CPED1: variants seen among roughly 807,000 people sequenced by gnomAD.
CPED1 encodes the protein cadherin-like and PC-esterase domain-containing protein 1.
Under a neutral mutation model 128.2 loss-of-function variants are expected in CPED1, and 114 were observed. The ratio of observed to expected loss-of-function variants is 0.89; its 90% CI spans 0.76 to 1.04. The LOEUF (loss-of-function observed/expected upper bound fraction) is 1.04, where lower values mean the gene tolerates loss of function less well. Ranked by LOEUF, CPED1 falls within the 50% of genes least tolerant of loss-of-function variation. The pLI is 0.00. For synonymous variants in CPED1, 462 were observed against 426.7 expected (o/e 1.08, Z -1.02); for missense variants, 1,211 against 1,207.1 (o/e 1.00, Z -0.05).
chr7:121,198,569 C>T (rs1797319859), intron 16 of CPED1, among the ~76,000 whole-genome samples: 1 of 152,066 alleles, frequency 6.6e-6, no homozygotes, highest in African/African-American at 2.4e-5. Context: ...GCTGCCCAAT[C>T]CTGCTTATTT....
intron 4 of CPED1, among the ~76,000 whole-genome samples, chr7:121,060,899 G>C (rs898313859): frequency 6.6e-6 from 1 of 152,134 alleles, no homozygotes; most frequent in African/African-American, 2.4e-5. Flanking sequence ...CACTCACTGC[G>C]AAGATCTGCA....
intron 10 of CPED1, among the ~76,000 whole-genome samples, chr7:121,127,514 T>A (rs1795533903): frequency 6.6e-6 from 1 of 150,594 alleles, no homozygotes; most frequent in Non-Finnish European, 1.5e-5. Context: ...TTTTTCTTTT[T>A]GTTTTTCTTT....
intron 3 of CPED1, among the ~76,000 whole-genome samples, chr7:121,044,643 T>G: frequency 1.5e-5 from 2 of 136,478 alleles, no homozygotes; most frequent in African/African-American, 2.8e-5. Context: ...AGCAGTGACT[T>G]TCTGCTCTTT....
At chr7:121,073,212 C>T (rs1215223949) in intron 5 of CPED1, among the ~76,000 whole-genome samples, 1 of 152,064 alleles carries the variant, frequency 6.6e-6, no homozygotes, top group African/African-American at 2.4e-5. Context: ...CTAGAGAAAA[C>T]AATATGTTAT....
intron 16 of CPED1, among the ~76,000 whole-genome samples, chr7:121,187,109 T>C (rs781462083): frequency 2.0e-5 from 3 of 152,188 alleles, no homozygotes; most frequent in Non-Finnish European, 4.4e-5. Context: ...CCTGCTCTTG[T>C]GGAGTTTATA....
chr7:121,061,242 C>T (rs1585046586), intron 4 of CPED1: 1 of 923,684 alleles, frequency 1.1e-6, no homozygotes, highest in Non-Finnish European at 1.3e-6. Flanking sequence ...TGCATATTCC[C>T]TTTTTCAAAA....
intron 16 of CPED1, among the ~76,000 whole-genome samples, chr7:121,144,838 C>CA (rs560805812): frequency 6.6e-6 from 1 of 151,458 alleles, no homozygotes; most frequent in African/African-American, 2.4e-5. Context: ...CAATTAAAAA[C>CA]AAAAAAAATT....
chr7:121,204,178 G>T (rs1204201319), intron 16 of CPED1, among the ~76,000 whole-genome samples: 2 of 152,010 alleles, frequency 1.3e-5, no homozygotes, highest in Admixed American at 6.6e-5. Context: ...TTGGAGAAGG[G>T]GCCACTGGTT....
At chr7:121,210,811 G>T (rs1797625470) in intron 16 of CPED1, among the ~76,000 whole-genome samples, 1 of 151,836 alleles carries the variant, frequency 6.6e-6, no homozygotes, top group South Asian at 2.1e-4. Flanking sequence ...GAGTACAATT[G>T]AAATGTTTCT....
chr7:121,006,291 T>C (rs1369068361), intron 2 of CPED1, among the ~76,000 whole-genome samples: 2 of 152,062 alleles, frequency 1.3e-5, no homozygotes, highest in Non-Finnish European at 2.9e-5. Context: ...GGATTGTCAA[T>C]TCTCTATTTT....
At chr7:121,033,252 G>C (rs1267879241) in intron 3 of CPED1, among the ~76,000 whole-genome samples, 2 of 152,220 alleles carry the variant, frequency 1.3e-5, no homozygotes, top group Non-Finnish European at 2.9e-5. Context: ...AGAAACATGA[G>C]GGTGTGGGTC....
chr7:121,286,660 G>A (rs1019305224), intron 22 of CPED1, among the ~76,000 whole-genome samples: 1 of 152,188 alleles, frequency 6.6e-6, no homozygotes, highest in African/African-American at 2.4e-5. Flanking sequence ...GAAGTTGGTG[G>A]ATGGCAGCAT....
intron 22 of CPED1, among the ~76,000 whole-genome samples, chr7:121,283,724 C>T (rs1388269089): frequency 6.6e-6 from 1 of 152,180 alleles, no homozygotes; most frequent in Non-Finnish European, 1.5e-5. Flanking sequence ...CCTCTGATTT[C>T]TTGTTGCCTG....
chr7:121,271,426 A>G lies in CPED1; in HGVS notation c.2864A>G (p.His955Arg). 3 of 1,612,266 alleles carry G rather than the reference A, an allele frequency of 1.9e-6. No homozygotes were observed. Among genetic ancestry groups the G allele is most frequent in the East Asian group, 2.2e-5 (1 of 44,784 alleles). ...CAGGGGAAGTGTGGATGTCATTTCC[A>G]TGAGGTATTTATGCTGGCTATCTGA... ...FLQGKCGCHFHEVVKSKLSKE... is the reference protein window; with the variant it reads ...FLQGKCGCHFREVVKSKLSKE... Residue 955 changes from histidine to arginine, a missense_variant, in exon 22 of 23, where the codon CAT becomes CGT. Transcript: ENST00000310396.
intron 21 of CPED1, among the ~76,000 whole-genome samples, chr7:121,268,861 A>T (rs1180670074): frequency 6.6e-6 from 1 of 151,938 alleles, no homozygotes; most frequent in East Asian, 1.9e-4. Flanking sequence ...TTCCTCAGAG[A>T]AAACCTCTTG....
intron 22 of CPED1, among the ~76,000 whole-genome samples, chr7:121,279,709 C>T (rs1792409934): frequency 6.6e-6 from 1 of 152,140 alleles, no homozygotes; most frequent in Non-Finnish European, 1.5e-5. Context: ...GTTCCTTACC[C>T]CAGCCCATAC....
chr7:121,205,472 G>T (rs936770586), intron 16 of CPED1, among the ~76,000 whole-genome samples: 1 of 151,754 alleles, frequency 6.6e-6, no homozygotes, highest in African/African-American at 2.4e-5. Context: ...TGTACTTTTG[G>T]TATTATCTTT....
intron 18 of CPED1, among the ~76,000 whole-genome samples, chr7:121,257,300 G>A (rs564592998): frequency 1.1e-4 from 16 of 152,192 alleles, no homozygotes; most frequent in Admixed American, 7.2e-4. Context: ...CTGCAAGACC[G>A]TCCAGGTCAC....
At chr7:121,079,863 T>G (rs188731502) in intron 5 of CPED1, among the ~76,000 whole-genome samples, 2 of 152,372 alleles carry the variant, frequency 1.3e-5, no homozygotes, top group Admixed American at 1.3e-4. Flanking sequence ...GTTTGTCATC[T>G]TGTGCCAAAT....
Sources: gnomAD v4.1 joint callset for allele counts (sites outside exome capture counted in the v4.1 genomes callset) on GRCh38, gnomAD v4.1.1 for gene constraint, MANE v1.5 for transcripts, NCBI Gene and HGNC (gene_info 2026-07-23, HGNC 2026-07-21) for gene names.